The following DCHS2 variants were observed in gnomAD, a reference collection of about 807,000 sequenced individuals.
The protein encoded by DCHS2 is protocadherin-23.
Under a neutral mutation model 182.4 loss-of-function variants are expected in DCHS2, and 142 were observed. The ratio of observed to expected loss-of-function variants is 0.78; its 90% CI spans 0.68 to 0.89. The LOEUF (loss-of-function observed/expected upper bound fraction) is 0.89, where lower values mean the gene tolerates loss of function less well. Ranked by LOEUF, DCHS2 falls within the 40% of genes least tolerant of loss-of-function variation. The pLI, the probability that DCHS2 is intolerant of heterozygous loss-of-function variation, is 0.00. For missense variants in DCHS2, 4,319 were observed against 4,198.6 expected, an observed-to-expected ratio of 1.03 and a Z score of -0.79; for synonymous variants, 1,740 against 1,663.3, an observed-to-expected ratio of 1.05 and a Z score of -1.12.
chr4:154,280,242 T>G (rs974873372), intron 13 of DCHS2, among the ~76,000 whole-genome samples: 1 of 151,920 alleles, frequency 6.6e-6, no homozygotes, highest in African/African-American at 2.4e-5. Context: ...TCAAAAACTC[T>G]CAACAAAGAA....
intron 6 of DCHS2, 105 bp downstream of exon 6, chr4:154,329,418 C>T: frequency 8.6e-7 from 1 of 1,159,662 alleles, no homozygotes; most frequent in South Asian, 1.5e-5. Flanking sequence ...GTATGCTTTG[C>T]CACACCAAGA....
intron 1 of DCHS2, among the ~76,000 whole-genome samples, chr4:154,475,859 C>G (rs1297973363): frequency 1.3e-5 from 2 of 152,082 alleles, no homozygotes; most frequent in African/African-American, 4.8e-5. Flanking sequence ...ATCCCATTTT[C>G]TAGATTAATA....
chr4:154,366,369 G>A lies in DCHS2; in HGVS notation c.2317C>T (p.Pro773Ser). Residue 773 changes from proline (P) to serine (S), a missense_variant, in exon 3 of 20, where the codon CCA becomes TCA. Physicochemically the swap from Pro to Ser is moderately conservative, Grantham distance 74. Transcript: ENST00000357232. ...DVNDNHPVFNPSTYVTSISDE... is the reference protein window; with the variant it reads ...DVNDNHPVFNSSTYVTSISDE... ...CTGATGCTCGTCACATAGGTTGATG[G>A]GTTAAACACAGGATGATTATCATTC... The A allele has an allele frequency of 6.2e-7, 1 of 1,613,880 alleles. No individual in the cohort carries two copies.
Position 154,378,747 on chromosome 4 carries a change from C to T in DCHS2, c.2053-1303G>A, listed in dbSNP as rs989167076. 4.6e-5 allele frequency among the ~76,000 whole-genome samples: 7 copies of T among 152,258 alleles called. 1 individual carries two copies. The highest frequency in any genetic ancestry group is 8.8e-5 in the Non-Finnish European group (6 of 68,004). On this transcript the variant is annotated intron_variant, in intron 1 of 19. Transcript: ENST00000357232. Reference sequence around the variant, plus strand: ...GTCAAAACTGAAATTCTTATCCATACAATTGGCAGCAGAGGGCATGCTCTA... The same window carrying T: ...GTCAAAACTGAAATTCTTATCCATATAATTGGCAGCAGAGGGCATGCTCTA...
chr4:154,377,251 AC>A lies in DCHS2; in HGVS notation c.2244+1del, dbSNP rs1238932171. 1.2e-6 allele frequency: 2 copies of A among 1,612,624 alleles called. No individual in the cohort carries two copies. The highest frequency in any genetic ancestry group is 2.7e-5 in the African/African-American group (2 of 74,802). ...AAATAAACTTCATACATAAAAACTTACCCCATCCTTAGCTTCCACCAGGAGA... is the reference window on the plus strand; with the variant it reads ...AAATAAACTTCATACATAAAAACTTACCCATCCTTAGCTTCCACCAGGAGA... On this transcript the variant is annotated splice_donor_variant, in intron 2 of 19. Coordinates refer to ENST00000357232, the MANE Select transcript of DCHS2 (RefSeq NM_001358235.2). LOFTEE classifies it high-confidence loss of function.
chr4:154,480,832 T>C (rs938505823), intron 1 of DCHS2, among the ~76,000 whole-genome samples: 6 of 152,218 alleles, frequency 3.9e-5, no homozygotes, highest in Non-Finnish European at 8.8e-5. Context: ...TTTTGTTATG[T>C]TGCCCAGGCT....
intron 13 of DCHS2, among the ~76,000 whole-genome samples, chr4:154,287,508 C>A (rs1734457478): frequency 6.6e-6 from 1 of 152,000 alleles, no homozygotes; most frequent in Non-Finnish European, 1.5e-5. Flanking sequence ...TGATAAGGAG[C>A]CTTACTCTGT....
chr4:154,321,197 G>T lies in DCHS2; in HGVS notation c.4202C>A (p.Ala1401Glu), dbSNP rs755632096. ...IQVIPLSKGR[A>E]IMSQNIRHLI... ...ATGTCTAATATTCTGAGACATGATT[G>T]CTCTCCCTTTGGATAGTGGGATCAC... The change falls in exon 9 of 20, where the codon GCA (alanine) becomes GAA (glutamate). Residue 1401 changes from alanine (A) to glutamate (E), a missense_variant. Physicochemically the swap from Ala to Glu is moderately radical, Grantham distance 107. Coordinates refer to ENST00000357232, the MANE Select transcript of DCHS2 (RefSeq NM_001358235.2). The T allele has an allele frequency of 1.9e-6, 3 of 1,559,894 alleles. No individual in the cohort carries two copies. The highest frequency in any genetic ancestry group is 2.3e-5 in the East Asian group (1 of 44,156).
intron 16 of DCHS2, among the ~76,000 whole-genome samples, chr4:154,248,971 G>A (rs960289495): frequency 6.6e-6 from 1 of 151,978 alleles, no homozygotes; most frequent in African/African-American, 2.4e-5. Context: ...AAGGCCTCAA[G>A]CTATAGAAAT....
At chr4:154,315,685 G>T (rs528605968) in intron 10 of DCHS2, 63 bp downstream of exon 10, 2 of 1,566,558 alleles carry the variant, frequency 1.3e-6, no homozygotes, top group East Asian at 2.3e-5. Context: ...TATAAATTAC[G>T]TCAATTATAA....
chr4:154,373,681 T>C (rs1730747854), intron 2 of DCHS2, among the ~76,000 whole-genome samples: 1 of 152,108 alleles, frequency 6.6e-6, no homozygotes, highest in Non-Finnish European at 1.5e-5. Context: ...GGAGGGGTCC[T>C]GCTTCCAGGA....
chr4:154,368,918 AC>A lies in DCHS2; in HGVS notation c.2245-2478del, dbSNP rs569011204. Among the ~76,000 whole-genome samples the A allele has an allele frequency of 3.4e-3, 522 of 152,310 alleles. 1 individual carries two copies. Among genetic ancestry groups the A allele is most frequent in the Non-Finnish European group, 6.0e-3 (407 of 68,032 alleles). On this transcript the variant is annotated intron_variant, in intron 2 of 19. Transcript: ENST00000357232. ...CAGGCTTGGCAGTCAGATTCCTCTC[AC>A]CTGATTTAAGTGCTAAAGAGGACAG...
chr4:154,418,903 C>T (rs529636238), intron 1 of DCHS2, among the ~76,000 whole-genome samples: 1 of 152,182 alleles, frequency 6.6e-6, no homozygotes, highest in African/African-American at 2.4e-5. Flanking sequence ...GAAATAAGGA[C>T]TAAATAAAGC....
In DCHS2 at chr4:154,323,388, T is replaced by G; in HGVS notation, c.4019-900A>C. The G allele has an allele frequency of 2.0e-6, 3 of 1,538,260 alleles. No individual in the cohort carries two copies. In the South Asian group the frequency reaches 3.6e-5, roughly 18 times the overall value. On this transcript the variant is annotated intron_variant, in intron 7 of 19. Coordinates refer to ENST00000357232, the MANE Select transcript of DCHS2 (RefSeq NM_001358235.2). ...TCTGTTACCCAGGCTGGAGCGCAAT[T>G]GTGCCATGATAGCTCACTGCAGCCT...
chr4:154,397,623 T>C (rs1262899734), intron 1 of DCHS2, among the ~76,000 whole-genome samples: 2 of 152,198 alleles, frequency 1.3e-5, no homozygotes, highest in African/African-American at 4.8e-5. Context: ...GGGTACCTTT[T>C]CCCTACTTTT....
chr4:154,486,284 C>CG (rs1728582692), intron 1 of DCHS2, among the ~76,000 whole-genome samples: 1 of 152,196 alleles, frequency 6.6e-6, no homozygotes. Context: ...GTTCAGCCAA[C>CG]ACTCGGAGAG....
rs1343813284 is a variant in DCHS2, at chr4:154,234,460, C to A, written c.*76G>T. Reference sequence around the variant, plus strand: ...TTTTAGATAAAAATGAGCCCAATCTCGAGTTGCTGGCTTGAAAACATTTTG... The same window carrying A: ...TTTTAGATAAAAATGAGCCCAATCTAGAGTTGCTGGCTTGAAAACATTTTG... On this transcript the variant is annotated 3_prime_UTR_variant, in exon 20 of 20. Transcript: ENST00000357232. 2.1e-6 allele frequency: 3 copies of A among 1,435,556 alleles called. No homozygotes were observed. The East Asian group carries it at 7.5e-5, about 36-fold the overall frequency. 88.9% of individuals were successfully genotyped at this position (1,435,556 alleles called of 1,614,324 possible).
chr4:154,315,703 T>A, intron 10 of DCHS2, 45 bp downstream of exon 10: 1 of 1,585,288 alleles, frequency 6.3e-7, no homozygotes, highest in Non-Finnish European at 8.6e-7. Flanking sequence ...TAATCTTCAA[T>A]TTCTTTTAAG....
At chr4:154,276,048 G>GA (rs1372575549) in intron 13 of DCHS2, among the ~76,000 whole-genome samples, 7 of 152,046 alleles carry the variant, frequency 4.6e-5, no homozygotes, top group Non-Finnish European at 1.0e-4. Context: ...AGATTCTCTT[G>GA]AAAAAAGATA....
Sources: gnomAD v4.1 joint callset for allele counts (sites outside exome capture counted in the v4.1 genomes callset) on GRCh38, gnomAD v4.1.1 for gene constraint, MANE v1.5 for transcripts, NCBI Gene and HGNC (gene_info 2026-07-23, HGNC 2026-07-21) for gene names.